Variants in CADM2 observed in about 807,000 individuals in gnomAD.
CADM2 encodes cell adhesion molecule 2.
In CADM2, 12 loss-of-function variants were observed where a neutral mutation model predicts 49.8. The observed-to-expected ratio is 0.24, with a 90% CI of 0.15 to 0.39. The LOEUF (loss-of-function observed/expected upper bound fraction) is 0.39, where lower values mean the gene tolerates loss of function less well. Ranked by LOEUF, CADM2 falls within the 10% of genes least tolerant of loss-of-function variation. CADM2 has a pLI of 1.00. For synonymous variants in CADM2, 214 were observed against 175.4 expected, an observed-to-expected ratio of 1.22 and a Z score of -1.74; for missense variants, 378 against 492.3, an observed-to-expected ratio of 0.77 and a Z score of 2.20.
chr3:85,648,231 T>G (rs77434537), intron 1 of CADM2, among the ~76,000 whole-genome samples: 23,040 of 151,868 alleles, frequency 0.15, 1,860 homozygotes, highest in African/African-American at 0.19. Flanking sequence ...GTCTTCCCGT[T>G]ATCACAAGGC....
chr3:85,321,118 T>TATA (rs1559778046), intron 1 of CADM2, among the ~76,000 whole-genome samples: 64 of 9,214 alleles, frequency 6.9e-3, no homozygotes, highest in Middle Eastern at 0.033. Context: ...ATATATATAT[T>TATA]TTTTTTTTTT....
At chr3:85,318,119 A>T (rs1460274625) in intron 1 of CADM2, among the ~76,000 whole-genome samples, 1 of 151,138 alleles carries the variant, frequency 6.6e-6, no homozygotes, top group Non-Finnish European at 1.5e-5. Flanking sequence ...GCAGTGAGCC[A>T]TGATCCCGCC....
At chr3:85,513,127 C>A (rs2106849269) in intron 1 of CADM2, among the ~76,000 whole-genome samples, 1 of 152,080 alleles carries the variant, frequency 6.6e-6, no homozygotes, top group East Asian at 1.9e-4. Context: ...ATTTAGCCTG[C>A]TTATTTCATG....
At chr3:85,193,358 T>TA (rs1038220719) in intron 1 of CADM2, among the ~76,000 whole-genome samples, 1 of 85,330 alleles carries the variant, frequency 1.2e-5, no homozygotes, top group African/African-American at 6.8e-5. Flanking sequence ...AAAATCTATC[T>TA]AAAAAATCTT....
chr3:85,699,910 A>G (rs1013864088), intron 1 of CADM2, among the ~76,000 whole-genome samples: 4 of 152,176 alleles, frequency 2.6e-5, no homozygotes, highest in African/African-American at 9.6e-5. Context: ...TCAAATTTTT[A>G]TGCTCTGCTT....
rs2032951562 is a variant in CADM2 at position 85,368,326 on chromosome 3, A to AAAGTGG, written c.62-358195_62-358190dup. Among the ~76,000 whole-genome samples, 2 of 152,068 alleles carry AAAGTGG rather than the reference A, an allele frequency of 1.3e-5. 1 individual carries two copies. The highest frequency in any genetic ancestry group is 4.1e-4 in the South Asian group (2 of 4,832). On this transcript the variant is annotated intron_variant, in intron 1 of 9. Coordinates refer to ENST00000383699, the MANE Select transcript of CADM2 (RefSeq NM_001167675.2). ...GAAAAAGCAAAAAATGACAGTGTTGAAAGTGGTGTTTTAGCCATTATACAC... is the reference window on the plus strand; with the variant it reads ...GAAAAAGCAAAAAATGACAGTGTTGAAAGTGGAAGTGGTGTTTTAGCCATTATACAC...
chr3:85,788,697 A>G (rs1037823288), intron 2 of CADM2, among the ~76,000 whole-genome samples: 1 of 151,972 alleles, frequency 6.6e-6, no homozygotes, highest in Non-Finnish European at 1.5e-5. Flanking sequence ...TTCATTTGGA[A>G]TTAGGAAAAA....
chr3:85,308,277 T>C (rs2044260942), intron 1 of CADM2, among the ~76,000 whole-genome samples: 1 of 149,676 alleles, frequency 6.7e-6, no homozygotes, highest in Non-Finnish European at 1.5e-5. Context: ...TTTTTTTTAT[T>C]TATTTAAATA....
rs145580031 is a variant in CADM2 at position 85,348,038 on chromosome 3, A to C, written c.62-378484A>C. Among the ~76,000 whole-genome samples the C allele has an allele frequency of 2.8e-3, 427 of 152,164 alleles. 2 individuals carry two copies. Among genetic ancestry groups the C allele is most frequent in the African/African-American group, 9.8e-3 (408 of 41,516 alleles). The stretch of plus-strand genomic sequence containing the variant: ...TAACCAAGCTGGCCTTGAACTCCTG[A>C]ACCTCAATTGATCTGCCTATTTTAT... On this transcript the variant is annotated intron_variant, in intron 1 of 9. Coordinates refer to ENST00000383699, the MANE Select transcript of CADM2 (RefSeq NM_001167675.2).
chr3:85,968,375 C>T (rs1725717334), intron 8 of CADM2, among the ~76,000 whole-genome samples: 1 of 151,564 alleles, frequency 6.6e-6, no homozygotes, highest in South Asian at 2.1e-4. Flanking sequence ...TGTGGGCACA[C>T]TCAACACAGA....
At chr3:85,495,728 G>A (rs937445897) in intron 1 of CADM2, among the ~76,000 whole-genome samples, 6 of 151,940 alleles carry the variant, frequency 3.9e-5, no homozygotes, top group African/African-American at 1.5e-4. Flanking sequence ...AATAGTGGGA[G>A]CATGCATGTC....
chr3:85,491,744 G>A (rs1320340435), intron 1 of CADM2, among the ~76,000 whole-genome samples: 1 of 152,008 alleles, frequency 6.6e-6, no homozygotes, highest in Admixed American at 6.6e-5. Flanking sequence ...GAGGTCAGGA[G>A]ATCGAGACCA....
At chr3:85,052,188 A>T (rs552590605) in intron 1 of CADM2, among the ~76,000 whole-genome samples, 2 of 152,136 alleles carry the variant, frequency 1.3e-5, no homozygotes, top group African/African-American at 2.4e-5. Flanking sequence ...TTATGATTCA[A>T]CTGTGATTGA....
At chr3:85,451,790 T>G (rs1034276699) in intron 1 of CADM2, among the ~76,000 whole-genome samples, 3 of 152,112 alleles carry the variant, frequency 2.0e-5, no homozygotes, top group Non-Finnish European at 4.4e-5. Flanking sequence ...TTAAAATTCA[T>G]TTGGTATTTA....
intron 2 of CADM2, among the ~76,000 whole-genome samples, chr3:85,732,978 A>G (rs888854645): frequency 1.3e-5 from 2 of 152,102 alleles, no homozygotes; most frequent in Non-Finnish European, 2.9e-5. Flanking sequence ...TATACCACCC[A>G]CCCAGATGGG....
chr3:85,425,942 A>C (rs2036382960), intron 1 of CADM2, among the ~76,000 whole-genome samples: 1 of 152,110 alleles, frequency 6.6e-6, no homozygotes, highest in South Asian at 2.1e-4. Context: ...ATTTATATGG[A>C]ACATGTTCTG....
chr3:85,655,211 G>A (rs1269705500), intron 1 of CADM2, among the ~76,000 whole-genome samples: 2 of 151,030 alleles, frequency 1.3e-5, no homozygotes, highest in East Asian at 3.9e-4. Context: ...CTGGAGTGCA[G>A]TGGTGTGATC....
intron 1 of CADM2, among the ~76,000 whole-genome samples, chr3:85,640,416 C>A (rs943955336): frequency 6.6e-6 from 1 of 152,174 alleles, no homozygotes. Context: ...GATGGGATAA[C>A]ATATTATGGG....
intron 8 of CADM2, among the ~76,000 whole-genome samples, chr3:85,978,943 T>C (rs1443346963): frequency 7.2e-6 from 1 of 138,394 alleles, no homozygotes; most frequent in Non-Finnish European, 1.5e-5. Flanking sequence ...ATAACCTGCT[T>C]ACTCTCAAAC....
Sources: gnomAD v4.1 joint callset for allele counts (sites outside exome capture counted in the v4.1 genomes callset) on GRCh38, gnomAD v4.1.1 for gene constraint, MANE v1.5 for transcripts, NCBI Gene and HGNC (gene_info 2026-07-23, HGNC 2026-07-21) for gene names.